LIN54: variants seen among roughly 807,000 people sequenced by gnomAD.
The protein encoded by LIN54 is protein lin-54 homolog.
In LIN54, 9 loss-of-function variants were observed where a neutral mutation model predicts 78.7. The observed-to-expected ratio is 0.11, with a 90% confidence interval of 0.07 to 0.20. The LOEUF is 0.20. Among genes scored for constraint, LIN54 ranks in the 10% least tolerant of loss-of-function variants. The pLI, the probability that LIN54 is intolerant of heterozygous loss-of-function variation, is 1.00. For synonymous variants in LIN54, 269 were observed against 318.4 expected, an observed-to-expected ratio of 0.84 and a Z score of 1.65; for missense variants, 573 against 889.9, an observed-to-expected ratio of 0.64 and a Z score of 4.53.
chr4:82,929,688 C>T (rs1457402161), intron 12 of LIN54, among the ~76,000 whole-genome samples: 1 of 151,918 alleles, frequency 6.6e-6, no homozygotes, highest in Admixed American at 6.6e-5. Context: ...TGCCTGTAAT[C>T]CCAGCTACTT....
chr4:82,933,389 AAAG>A (rs1451510914), intron 11 of LIN54, among the ~76,000 whole-genome samples: 6 of 151,798 alleles, frequency 4.0e-5, no homozygotes, highest in Non-Finnish European at 7.4e-5. Context: ...CAAAAAAAAA[AAAG>A]ATGTGGAGGG....
Position 83,000,827 on chromosome 4 carries a change from C to CTTTTTTTCTTTTTCT in LIN54, c.-33+9656_-33+9657insAGAAAAAGAAAAAAA, listed in dbSNP as rs528409899. On this transcript the variant is annotated intron_variant, in intron 1 of 12. Transcript: ENST00000340417. Reference sequence around the variant, plus strand: ...GCCATCAAGCCCAAAGCAATAAATTCTTTTTTTTTTTTTGGAGATAGAGTC... The same window carrying CTTTTTTTCTTTTTCT: ...GCCATCAAGCCCAAAGCAATAAATTCTTTTTTTCTTTTTCTTTTTTTTTTTTTTGGAGATAGAGTC... Among the ~76,000 whole-genome samples, 12 of 120,536 alleles carry CTTTTTTTCTTTTTCT rather than the reference C, an allele frequency of 1.0e-4. 1 individual carries two copies. The East Asian group carries it at 1.4e-3, about 14-fold the overall frequency. The allele number at this position is 120,536 out of a possible 152,430, so 79.1% of individuals were successfully genotyped here.
At chr4:82,932,101 T>A (rs1722000872) in intron 11 of LIN54, among the ~76,000 whole-genome samples, 3 of 148,048 alleles carry the variant, frequency 2.0e-5, no homozygotes, top group African/African-American at 7.5e-5. Flanking sequence ...AATTTTTTTT[T>A]TTTTTTTTTT....
chr4:82,975,082 G>A (rs977081376), intron 3 of LIN54, among the ~76,000 whole-genome samples: 2 of 152,074 alleles, frequency 1.3e-5, no homozygotes, highest in Admixed American at 6.6e-5. Flanking sequence ...ATGAGGCTGG[G>A]TGCAGTGGCT....
chr4:82,927,805 AT>A lies in LIN54; in HGVS notation c.*296del, dbSNP rs1301626930. The A allele has an allele frequency of 2.2e-5, 6 of 278,928 alleles. No individual in the cohort carries two copies. In the East Asian group the frequency reaches 2.9e-4, roughly 14 times the overall value. The allele number at this position is 278,928 out of a possible 1,614,324, so 17.3% of individuals were successfully genotyped here. A position where few individuals can be genotyped will look rare whatever the true frequency, so the allele number is the denominator to read the frequency against. ...TTATAAATTATATGAATTTATAAAC[AT>A]TTTTTGTCAAAGGTATCAGAAAGAG... On this transcript the variant is annotated 3_prime_UTR_variant, in exon 13 of 13. Coordinates refer to ENST00000340417, the MANE Select transcript of LIN54 (RefSeq NM_194282.4).
chr4:82,941,453 A>G (rs1363747383), intron 5 of LIN54, among the ~76,000 whole-genome samples: 2 of 152,198 alleles, frequency 1.3e-5, no homozygotes. Flanking sequence ...CTTGAATGTT[A>G]GGGTAGGACT....
At chr4:82,966,804 T>C (rs2126067057) in intron 4 of LIN54, among the ~76,000 whole-genome samples, 1 of 152,134 alleles carries the variant, frequency 6.6e-6, no homozygotes, top group African/African-American at 2.4e-5. Flanking sequence ...GAGACAGGGT[T>C]TCACCATGTT....
rs144923413 is a variant in LIN54, at chr4:82,931,011, C to T, written c.1980G>A (p.Thr660=). The T allele has an allele frequency of 1.4e-4, 225 of 1,614,196 alleles. 1 individual carries two copies. In the African/African-American group the frequency reaches 2.5e-3, roughly 18 times the overall value. Reference sequence around the variant, plus strand: ...AGTCTGAAATTTGAGAGGATAACTTCGTCTTGGCTGCTGTTTGTTGCTGTA... The same window carrying T: ...AGTCTGAAATTTGAGAGGATAACTTTGTCTTGGCTGCTGTTTGTTGCTGTA... ...VRVQQQTAAK[T]KLSSQISDLL... is the part of the protein sequence containing the mutation. The change falls in exon 12 of 13, where the codon ACG becomes ACA. Residue 660 remains threonine (T), a synonymous_variant. Coordinates refer to ENST00000340417, the MANE Select transcript of LIN54 (RefSeq NM_194282.4).
intron 2 of LIN54, among the ~76,000 whole-genome samples, chr4:82,982,604 A>G (rs991795166): frequency 1.3e-5 from 2 of 152,218 alleles, no homozygotes; most frequent in East Asian, 1.9e-4. Flanking sequence ...AATAAAAACA[A>G]GCTTCAAAAC....
chr4:82,948,195 C>G (rs1233725003), intron 4 of LIN54, among the ~76,000 whole-genome samples: 7 of 152,054 alleles, frequency 4.6e-5, no homozygotes, highest in African/African-American at 1.7e-4. Flanking sequence ...TATATCCGCT[C>G]AAAATGGGGG....
At chr4:82,950,749 CT>C (rs1723784564) in intron 4 of LIN54, among the ~76,000 whole-genome samples, 1 of 152,024 alleles carries the variant, frequency 6.6e-6, no homozygotes, top group South Asian at 2.1e-4. Flanking sequence ...TAAGCCATTT[CT>C]TTTTACAGAT....
intron 11 of LIN54, among the ~76,000 whole-genome samples, chr4:82,931,763 A>C (rs1408726324): frequency 1.3e-4 from 20 of 152,226 alleles, no homozygotes; most frequent in Admixed American, 1.3e-3. Flanking sequence ...ATGTATATAC[A>C]AATATAGAAC....
At chr4:82,968,083 C>A (rs55818134) in intron 4 of LIN54, among the ~76,000 whole-genome samples, 49,588 of 150,682 alleles carry the variant, frequency 0.33, 9,460 homozygotes, top group East Asian at 0.52. Context: ...GCTTTTGTTG[C>A]CCAGGCTGGA....
intron 12 of LIN54, 106 bp downstream of exon 12, chr4:82,930,837 T>C (rs942107596): frequency 1.2e-5 from 11 of 953,354 alleles, no homozygotes; most frequent in Non-Finnish European, 1.8e-5. Context: ...AACACAAAAA[T>C]CAGGTTTGCA....
At chr4:82,945,797 T>C (rs369597669) in intron 5 of LIN54, among the ~76,000 whole-genome samples, 8 of 152,192 alleles carry the variant, frequency 5.3e-5, no homozygotes, top group Non-Finnish European at 1.2e-4. Context: ...CCTGGCCTTT[T>C]AATCACCTTT....
intron 3 of LIN54, among the ~76,000 whole-genome samples, chr4:82,974,004 A>G (rs559742809): frequency 1.3e-5 from 2 of 152,174 alleles, no homozygotes; most frequent in South Asian, 4.1e-4. Flanking sequence ...AGGTCAGGAG[A>G]TTGGGACCAT....
intron 5 of LIN54, among the ~76,000 whole-genome samples, chr4:82,941,340 A>G (rs1722874453): frequency 6.6e-6 from 1 of 152,078 alleles, no homozygotes; most frequent in South Asian, 2.1e-4. Context: ...GAAGCTGCAA[A>G]GCATATTTAC....
At chr4:82,958,087 GCA>G (rs796424094) in intron 4 of LIN54, among the ~76,000 whole-genome samples, 11 of 152,234 alleles carry the variant, frequency 7.2e-5, no homozygotes, top group African/African-American at 2.6e-4. Flanking sequence ...TAAGCACAGG[GCA>G]CACAGAGACC....
At chr4:82,981,879 C>T (rs1179809518) in intron 2 of LIN54, among the ~76,000 whole-genome samples, 4 of 151,880 alleles carry the variant, frequency 2.6e-5, no homozygotes, top group Non-Finnish European at 4.4e-5. Flanking sequence ...AAAAAAAATA[C>T]AAAAATTGGC....
Sources: gnomAD v4.1 joint callset for allele counts (sites outside exome capture counted in the v4.1 genomes callset) on GRCh38, gnomAD v4.1.1 for gene constraint, MANE v1.5 for transcripts, NCBI Gene and HGNC (gene_info 2026-07-23, HGNC 2026-07-21) for gene names.